Variants in GALNT10 observed in about 807,000 individuals in gnomAD.
GALNT10 encodes the protein GalNAc transferase 10.
A neutral mutation model predicts 75.0 loss-of-function variants in GALNT10; 41 were observed. The observed-to-expected ratio is 0.55, with a 90% CI of 0.43 to 0.71. The LOEUF (loss-of-function observed/expected upper bound fraction) is 0.71. Among genes scored for constraint, GALNT10 ranks in the 30% least tolerant of loss-of-function variants. The pLI is 0.00. For missense variants in GALNT10, 727 were observed against 818.5 expected (o/e 0.89, Z 1.36); for synonymous variants, 302 against 313.0 (o/e 0.96, Z 0.37).
At chr5:154,264,372 A>G (rs1199298758) in intron 1 of GALNT10, among the ~76,000 whole-genome samples, 1 of 151,792 alleles carries the variant, frequency 6.6e-6, no homozygotes, top group African/African-American at 2.4e-5. Flanking sequence ...TGGAGTATGT[A>G]TTAGATAATA....
chr5:154,216,881 C>T (rs920410829), intron 1 of GALNT10, among the ~76,000 whole-genome samples: 11 of 152,116 alleles, frequency 7.2e-5, no homozygotes, highest in Non-Finnish European at 1.5e-4. Context: ...TGAGTAGACC[C>T]TGGCAGCTTT....
intron 3 of GALNT10, among the ~76,000 whole-genome samples, chr5:154,310,355 G>T (rs1754495090): frequency 6.6e-6 from 1 of 152,154 alleles, no homozygotes. Context: ...TGTGGGAGGG[G>T]AGGGCCTGTA....
At chr5:154,232,377 A>G (rs1347844923) in intron 1 of GALNT10, among the ~76,000 whole-genome samples, 3 of 152,230 alleles carry the variant, frequency 2.0e-5, no homozygotes, top group Non-Finnish European at 2.9e-5. Flanking sequence ...TCATTTACTT[A>G]TTCAATACAC....
intron 1 of GALNT10, among the ~76,000 whole-genome samples, chr5:154,280,378 G>A (rs144550829): frequency 3.8e-4 from 58 of 152,222 alleles, no homozygotes; most frequent in African/African-American, 1.3e-3. Flanking sequence ...ATAATTTATT[G>A]TATTTTTTCA....
Position 154,352,913 on chromosome 5 carries a change from T to A in GALNT10, c.568+23175T>A, listed in dbSNP as rs1471372081. Among the ~76,000 whole-genome samples, 2 of 152,192 alleles carry A rather than the reference T, an allele frequency of 1.3e-5. No individual in the cohort carries two copies. The highest frequency in any genetic ancestry group is 6.5e-5 in the Admixed American group (1 of 15,282). On this transcript the variant is annotated intron_variant, in intron 4 of 11. Transcript: ENST00000297107. The surrounding 1 kb of genome is among the most constrained non-coding windows in gnomAD (Gnocchi z 4.4). Reference sequence around the variant, plus strand: ...TGGACAAAGATGCAAACTTTTTACATAGAATGCAATTTCCTTCTGTCTCAA... The same window carrying A: ...TGGACAAAGATGCAAACTTTTTACAAAGAATGCAATTTCCTTCTGTCTCAA...
intron 8 of GALNT10, among the ~76,000 whole-genome samples, chr5:154,407,523 T>C (rs1756305333): frequency 6.6e-6 from 1 of 152,206 alleles, no homozygotes; most frequent in Non-Finnish European, 1.5e-5. Flanking sequence ...TAAATTTCAG[T>C]ATCATTCTTA....
chr5:154,215,082 G>C (rs562441867), intron 1 of GALNT10, among the ~76,000 whole-genome samples: 1 of 152,156 alleles, frequency 6.6e-6, no homozygotes, highest in African/African-American at 2.4e-5. Context: ...ATTTTAAAAG[G>C]GTTGCCTTTA....
chr5:154,224,693 A>G (rs2113657987), intron 1 of GALNT10, among the ~76,000 whole-genome samples: 1 of 151,894 alleles, frequency 6.6e-6, no homozygotes, highest in East Asian at 1.9e-4. Context: ...AGTATCTAAT[A>G]TGTTAATATG....
intron 1 of GALNT10, among the ~76,000 whole-genome samples, chr5:154,204,776 T>C (rs1001641651): frequency 3.6e-4 from 55 of 152,258 alleles, no homozygotes; most frequent in Admixed American, 3.5e-3. Context: ...CTACCCACTC[T>C]GCGACTTGAT....
chr5:154,311,867 C>A (rs963405793), intron 3 of GALNT10, among the ~76,000 whole-genome samples: 1 of 152,164 alleles, frequency 6.6e-6, no homozygotes, highest in African/African-American at 2.4e-5. Context: ...CCACCTTAGC[C>A]TCCCAAAGTG....
At chr5:154,232,879 G>C in intron 1 of GALNT10, among the ~76,000 whole-genome samples, 1 of 152,152 alleles carries the variant, frequency 6.6e-6, no homozygotes, top group Non-Finnish European at 1.5e-5. Context: ...ATATGTTCTG[G>C]ATATTAAAAT....
intron 4 of GALNT10, among the ~76,000 whole-genome samples, chr5:154,373,017 G>A (rs1755598701): frequency 6.6e-6 from 1 of 152,198 alleles, no homozygotes; most frequent in South Asian, 2.1e-4. Flanking sequence ...TTTACAATCA[G>A]GGCAGCCCCT....
intron 1 of GALNT10, among the ~76,000 whole-genome samples, chr5:154,208,786 G>A (rs537951097): frequency 6.6e-6 from 1 of 152,308 alleles, no homozygotes; most frequent in Admixed American, 6.5e-5. Flanking sequence ...GGAGATTAGA[G>A]CGATGAAAAT....
At chr5:154,254,012 C>T (rs886183538) in intron 1 of GALNT10, among the ~76,000 whole-genome samples, 16 of 152,140 alleles carry the variant, frequency 1.1e-4, no homozygotes, top group African/African-American at 2.9e-4. Flanking sequence ...GAAATCCTCC[C>T]AGTTTTGACT....
intron 1 of GALNT10, among the ~76,000 whole-genome samples, chr5:154,233,388 T>A (rs1753195704): frequency 6.6e-6 from 1 of 152,160 alleles, no homozygotes; most frequent in African/African-American, 2.4e-5. Flanking sequence ...GGCTCCAAAG[T>A]CAGGCTGCAC....
rs770121388 is a variant in GALNT10, at chr5:154,380,521, C to G, written c.828C>G (p.Tyr276Ter). ...IDVIDHDDFR[Y>*]ETQAGDAMRG... Reference sequence around the variant, plus strand: ...TAATTGACCATGACGACTTTCGGTACGAGACACAGGCAGGGGATGCCATGC... The same window carrying G: ...TAATTGACCATGACGACTTTCGGTAGGAGACACAGGCAGGGGATGCCATGC... The change falls in exon 6 of 12, where the codon TAC becomes TAG. Residue 276 changes from tyrosine (Y) to a stop codon, truncating the protein, a stop_gained. Transcript: ENST00000297107. LOFTEE classifies it high-confidence loss of function. The G allele has an allele frequency of 6.2e-6, 10 of 1,613,726 alleles. No homozygotes were observed. Among genetic ancestry groups the G allele is most frequent in the Admixed American group, 5.0e-5 (3 of 59,996 alleles).
intron 1 of GALNT10, among the ~76,000 whole-genome samples, chr5:154,216,918 GA>G (rs35510232): frequency 2.5e-4 from 37 of 150,222 alleles, no homozygotes; most frequent in Middle Eastern, 6.9e-3. Context: ...GTCAACTTAT[GA>G]AAAAAAAAAT....
chr5:154,193,470 C>A (rs1774892506), intron 1 of GALNT10, among the ~76,000 whole-genome samples: 1 of 152,230 alleles, frequency 6.6e-6, no homozygotes, highest in Non-Finnish European at 1.5e-5. Flanking sequence ...CTGGAACATA[C>A]ATGTAACATG....
rs754327423 is a variant in GALNT10, at chr5:154,297,890, TA to T, written c.263-50del. On this transcript the variant is annotated intron_variant, in intron 2 of 11. Coordinates refer to ENST00000297107, the MANE Select transcript of GALNT10 (RefSeq NM_198321.4). The stretch of plus-strand genomic sequence containing the variant: ...TTTCATCCTTTTTCCCCACTCCATA[TA>T]CAGTACCCCATACATCATTAGCAAC... 37 of 1,546,248 alleles carry T rather than the reference TA, an allele frequency of 2.4e-5. No individual in the cohort carries two copies. In the East Asian group the frequency reaches 7.9e-4, roughly 33 times the overall value.
Sources: gnomAD v4.1 joint callset for allele counts (sites outside exome capture counted in the v4.1 genomes callset) on GRCh38, gnomAD v4.1.1 for gene constraint, Gnocchi (gnomAD v3.1) non-coding constraint, MANE v1.5 for transcripts, NCBI Gene and HGNC (gene_info 2026-07-23, HGNC 2026-07-21) for gene names.